The following GOLGA4 variants were observed in gnomAD, a reference collection of about 807,000 sequenced individuals.
GOLGA4 encodes the protein golgin A4, also known as golgin subfamily A member 4.
Under a neutral mutation model 265.9 loss-of-function variants are expected in GOLGA4, and 169 were observed. That is an observed-to-expected ratio of 0.64 (90% CI 0.56 to 0.72). The LOEUF is 0.72. GOLGA4 is among the 30% of genes least tolerant of loss of function. The pLI, the probability that GOLGA4 is intolerant of heterozygous loss-of-function variation, is 0.00. For missense variants in GOLGA4, 2,482 were observed against 2,483.4 expected (o/e 1.00, Z 0.01); for synonymous variants, 923 against 855.8 (o/e 1.08, Z -1.37).
intron 2 of GOLGA4, among the ~76,000 whole-genome samples, chr3:37,276,977 CT>C: frequency 6.6e-6 from 1 of 151,930 alleles, no homozygotes; most frequent in Non-Finnish European, 1.5e-5. Context: ...AATGAAAATA[CT>C]TTTTTTTCCA....
chr3:37,297,076 C>G (rs951952094), intron 7 of GOLGA4, among the ~76,000 whole-genome samples: 3 of 152,070 alleles, frequency 2.0e-5, no homozygotes, highest in African/African-American at 4.8e-5. Context: ...TTAAATAGTT[C>G]TATATTCATA....
rs572886906 is a variant in GOLGA4 at position 37,321,571 on chromosome 3, T to A, written c.1546-160T>A. 5.5e-5 allele frequency: 34 copies of A among 617,326 alleles called. No homozygotes were observed. The South Asian group carries it at 8.1e-4, about 15-fold the overall frequency. The allele number at this position is 617,326 out of a possible 1,614,324, so 38.2% of individuals were successfully genotyped here. ...CCCCACTGGAAAAGCCATAGTGCCT[T>A]GTTTCTGCAGACTAGAGCATGGGAG... On this transcript the variant is annotated intron_variant, in intron 12 of 23. Transcript: ENST00000361924.
At chr3:37,331,968 C>G (rs1185928832) in intron 16 of GOLGA4, among the ~76,000 whole-genome samples, 1 of 152,164 alleles carries the variant, frequency 6.6e-6, no homozygotes, top group Non-Finnish European at 1.5e-5. Context: ...CCTCTGAACT[C>G]CACTGCTGCC....
chr3:37,324,426 C>T lies in GOLGA4; in HGVS notation c.2540C>T (p.Ala847Val), dbSNP rs1264601210. The change falls in exon 14 of 24, where the codon GCA becomes GTA. Residue 847 changes from alanine (A) to valine (V), a missense_variant. Physicochemically the swap from Ala to Val is moderately conservative, Grantham distance 64. Coordinates refer to ENST00000361924, the MANE Select transcript of GOLGA4 (RefSeq NM_002078.5). ...ACCAAACAGGTTGCTGAAGTTGAAGCACAAAAGAAAGATGTTTGTACTGAG... is the reference window on the plus strand; with the variant it reads ...ACCAAACAGGTTGCTGAAGTTGAAGTACAAAAGAAAGATGTTTGTACTGAG... The part of the protein sequence containing the change: ...LLTKQVAEVE[A>V]QKKDVCTELD... 1 of 1,614,090 alleles carries T rather than the reference C, an allele frequency of 6.2e-7. No homozygotes were observed. The highest frequency in any genetic ancestry group is 2.2e-5 in the East Asian group (1 of 44,884).
rs185558377 is a variant in GOLGA4 at position 37,246,354 on chromosome 3, T to G, written c.72+2732T>G. ...TTTAACAACAAATACCTATTTTGGA[T>G]TTTTAAACTCCTTAAAGAACTAAGT... On this transcript the variant is annotated intron_variant, in intron 1 of 23. Transcript: ENST00000361924. 2.0e-5 allele frequency among the ~76,000 whole-genome samples: 3 copies of G among 152,206 alleles called. No individual in the cohort carries two copies. In the East Asian group the frequency reaches 5.8e-4, roughly 29 times the overall value.
intron 2 of GOLGA4, among the ~76,000 whole-genome samples, chr3:37,251,961 C>A (rs9859805): frequency 0.026 from 3,982 of 152,160 alleles, 155 homozygotes; most frequent in African/African-American, 0.09. Context: ...TTGTTGAGAA[C>A]CTTAATTTGA....
intron 21 of GOLGA4, among the ~76,000 whole-genome samples, chr3:37,351,150 A>G (rs1331981460): frequency 2.6e-5 from 4 of 152,150 alleles, no homozygotes; most frequent in South Asian, 4.1e-4. Flanking sequence ...TTAATATTCT[A>G]AATACTTTGA....
chr3:37,265,147 G>GTGTGTA (rs1491420327), intron 2 of GOLGA4, among the ~76,000 whole-genome samples: 1 of 150,964 alleles, frequency 6.6e-6, no homozygotes, highest in African/African-American at 2.5e-5. Flanking sequence ...GTGTGTGTGT[G>GTGTGTA]TATAATTCTA....
chr3:37,300,675 T>C (rs2096890276), intron 9 of GOLGA4, among the ~76,000 whole-genome samples: 1 of 152,090 alleles, frequency 6.6e-6, no homozygotes, highest in South Asian at 2.1e-4. Context: ...ATCCAAGAAA[T>C]TTTATCATTT....
rs71094906 is a variant in GOLGA4 at position 37,362,780 on chromosome 3, C to CTTTTTTTTTTT, written c.*33+1485_*33+1495dup. ...CGATCTTCCTACCTCAGCCTCTAAG[C>CTTTTTTTTTTT]TTTTTTTTTTTTTTTTTTTTGAGAC... On this transcript the variant is annotated intron_variant, in intron 23 of 23. Transcript: ENST00000361924. 3.5e-3 allele frequency among the ~76,000 whole-genome samples: 265 copies of CTTTTTTTTTTT among 75,442 alleles called. 38 individuals carry two copies. Among genetic ancestry groups the CTTTTTTTTTTT allele is most frequent in the African/African-American group, 0.012 (240 of 19,472 alleles). 49.5% of individuals were successfully genotyped at this position (75,442 alleles called of 152,430 possible).
intron 2 of GOLGA4, among the ~76,000 whole-genome samples, chr3:37,253,129 C>T (rs978205101): frequency 1.1e-4 from 16 of 151,886 alleles, no homozygotes; most frequent in Non-Finnish European, 5.9e-5. Context: ...GTGGCATGCA[C>T]CTGTGTGGTC....
chr3:37,259,427 A>T (rs191332904), intron 2 of GOLGA4, among the ~76,000 whole-genome samples: 115 of 152,376 alleles, frequency 7.5e-4, no homozygotes, highest in African/African-American at 2.6e-3. Flanking sequence ...CAGGCTGCTA[A>T]CTAAGCAGCC....
At chr3:37,276,167 A>T in intron 2 of GOLGA4, 1 of 1,599,238 alleles carries the variant, frequency 6.3e-7, no homozygotes, top group Non-Finnish European at 8.5e-7. Context: ...GGATGACTAC[A>T]TTGCAATTGG....
intron 4 of GOLGA4, among the ~76,000 whole-genome samples, chr3:37,287,093 C>G (rs1003348641): frequency 1.6e-4 from 24 of 152,194 alleles, no homozygotes; most frequent in Non-Finnish European, 2.8e-4. Flanking sequence ...GTAATCCCAG[C>G]ACTTTGGGAG....
At chr3:37,357,037 G>A (rs986588760) in intron 22 of GOLGA4, among the ~76,000 whole-genome samples, 1 of 151,912 alleles carries the variant, frequency 6.6e-6, no homozygotes, top group Non-Finnish European at 1.5e-5. Flanking sequence ...GGTAAATGTA[G>A]GTAGTGAATC....
chr3:37,326,752 A>C lies in GOLGA4; in HGVS notation c.4866A>C (p.Leu1622Phe), dbSNP rs752833495. 6.2e-7 allele frequency: 1 copy of C among 1,613,630 alleles called. No individual in the cohort carries two copies. The highest frequency in any genetic ancestry group is 8.5e-7 in the Non-Finnish European group (1 of 1,179,590). Residue 1622 changes from leucine to phenylalanine, a missense_variant, in exon 14 of 24, where the codon TTA (leucine) becomes TTC (phenylalanine). Physicochemically the swap from Leu to Phe is conservative, Grantham distance 22 (BLOSUM62 0). Around this residue, in one of 3 missense-constraint regions of GOLGA4, gnomAD observed 942 missense variants for 983.1 expected, o/e 0.96. Coordinates refer to ENST00000361924, the MANE Select transcript of GOLGA4 (RefSeq NM_002078.5). ...NLSVKSKEEELKALEDRLESE... is the reference protein window; with the variant it reads ...NLSVKSKEEEFKALEDRLESE... ...GTGTGAAAAGCAAAGAGGAGGAGTT[A>C]AAGGCATTGGAAGATAGGCTTGAGT...
chr3:37,279,554 C>T (rs1396653820), intron 2 of GOLGA4, among the ~76,000 whole-genome samples: 1 of 152,168 alleles, frequency 6.6e-6, no homozygotes, highest in Non-Finnish European at 1.5e-5. Flanking sequence ...GCTTTACTTG[C>T]TGTGTTTTTT....
At chr3:37,276,571 A>G in intron 2 of GOLGA4, 6 of 1,593,700 alleles carry the variant, frequency 3.8e-6, no homozygotes, top group East Asian at 2.2e-5. Context: ...TCTGTAATGA[A>G]TGTGGAAATC....
chr3:37,337,987 A>C (rs1331935279), intron 19 of GOLGA4, among the ~76,000 whole-genome samples: 1 of 152,204 alleles, frequency 6.6e-6, no homozygotes, highest in African/African-American at 2.4e-5. Context: ...TATAATGTAT[A>C]GTAATTTATG....
Sources: allele counts gnomAD v4.1 joint callset (sites outside exome capture counted in the v4.1 genomes callset), GRCh38; gene constraint gnomAD v4.1.1; regional missense constraint gnomAD v4.1.1; transcripts MANE v1.5; gene names NCBI Gene and HGNC (gene_info 2026-07-23, HGNC 2026-07-21).